SDK2: variants seen among roughly 807,000 people sequenced by gnomAD.
SDK2 encodes sidekick cell adhesion molecule 2.
In SDK2, 105 loss-of-function variants were observed where a neutral mutation model predicts 253.9. That is an observed-to-expected ratio of 0.41 (90% CI 0.35 to 0.49). SDK2 has a LOEUF of 0.49. Among genes scored for constraint, SDK2 ranks in the 20% least tolerant of loss-of-function variants. The pLI, the probability that SDK2 is intolerant of heterozygous loss-of-function variation, is 0.06. For synonymous variants in SDK2, 1,249 were observed against 1,234.9 expected, an observed-to-expected ratio of 1.01 and a Z score of -0.24; for missense variants, 2,608 against 3,003.0, an observed-to-expected ratio of 0.87 and a Z score of 3.07.
chr17:73,425,664 C>T (rs573740842), intron 12 of SDK2, among the ~76,000 whole-genome samples: 126 of 152,172 alleles, frequency 8.3e-4, no homozygotes, highest in East Asian at 3.1e-3. Flanking sequence ...AGCACCACCA[C>T]GCCCGACTAA....
rs12452761 is a variant in SDK2, at chr17:73,472,128, G to A, written c.315C>T (p.Thr105=). 129,293 of 1,551,000 alleles carry A rather than the reference G, an allele frequency of 0.083. 5,875 individuals carry two copies. Among genetic ancestry groups the A allele is most frequent in the East Asian group, 0.1 (4,132 of 40,918 alleles). Residue 105 remains threonine, a synonymous_variant, in exon 3 of 45, where the codon ACC becomes ACT. Transcript: ENST00000392650. The part of the protein sequence containing the change: ...NRMGALLQRQ[T]EVQVAYMGSF... ...TGTACTCACAGGCCACCTGGACCTCGGTTTGCCGCTGCAGCAGGGCCCCCA... is the reference window on the plus strand; with the variant it reads ...TGTACTCACAGGCCACCTGGACCTCAGTTTGCCGCTGCAGCAGGGCCCCCA...
rs756230449 is a variant in SDK2, at chr17:73,385,856, G to A, written c.4560C>T (p.Ile1520=). 1.9e-6 allele frequency: 3 copies of A among 1,607,304 alleles called. No individual in the cohort carries two copies. The African/African-American group carries it at 4.0e-5, about 21-fold the overall frequency. The part of the protein sequence containing the change: ...VTPHTTTSVL[I]RWQPPAEDKI... Reference sequence around the variant, plus strand: ...GCCCGCTGGGCCATACCTGCCATCGGATTAGCACGGAGGTGGTGGTGTGGG... The same window carrying A: ...GCCCGCTGGGCCATACCTGCCATCGAATTAGCACGGAGGTGGTGGTGTGGG... The change falls in exon 32 of 45, where the codon ATC becomes ATT. Residue 1520 remains isoleucine, a synonymous_variant. Coordinates refer to ENST00000392650, the MANE Select transcript of SDK2 (RefSeq NM_001144952.2).
chr17:73,401,211 C>G lies in SDK2; in HGVS notation c.2780G>C (p.Gly927Ala). 1 of 1,544,966 alleles carries G rather than the reference C, an allele frequency of 6.5e-7. No individual in the cohort carries two copies. ...EPGEKNGILT[G>A]YRISWEEYNR... is the part of the protein sequence containing the mutation. ...GTACTCCTCCCAGGAGATCCGGTAC[C>G]CTGGGGAGAGCCGCCGTGTTGGCAT... The change falls in exon 21 of 45, where the codon GGG becomes GCG. Residue 927 changes from glycine to alanine, a missense_variant and splice_region_variant. Physicochemically the swap from Gly to Ala is moderately conservative, Grantham distance 60 (BLOSUM62 0). Coordinates refer to ENST00000392650, the MANE Select transcript of SDK2 (RefSeq NM_001144952.2).
intron 1 of SDK2, among the ~76,000 whole-genome samples, chr17:73,594,383 C>T (rs927802341): frequency 2.0e-5 from 3 of 152,114 alleles, no homozygotes. Flanking sequence ...TATAAAGATG[C>T]CCTTCCCTCC....
intron 29 of SDK2, 69 bp from the exon 30 acceptor site, chr17:73,388,106 CGA>C: frequency 1.8e-6 from 2 of 1,118,616 alleles, no homozygotes; most frequent in Admixed American, 4.1e-5. Context: ...TGGACTTTCT[CGA>C]GGGAGGAAAG....
rs1396408581 is a variant in SDK2, at chr17:73,401,067, C to T, written c.2924G>A (p.Gly975Asp). The change falls in exon 21 of 45, where the codon GGC (glycine) becomes GAC (aspartate). Residue 975 changes from glycine (G) to aspartate (D), a missense_variant. By Grantham distance (94) the Gly-to-Asp change is moderately conservative (BLOSUM62 -1). Transcript: ENST00000392650. ...TIEVAAMTSK[G>D]QGQVSASTIS... ...GGTGGAGGCGGACACTTGGCCCTGGCCCTTTGAGGTCATGGCGGCCACCTC... is the reference window on the plus strand; with the variant it reads ...GGTGGAGGCGGACACTTGGCCCTGGTCCTTTGAGGTCATGGCGGCCACCTC... 8 of 1,576,130 alleles carry T rather than the reference C, an allele frequency of 5.1e-6. No homozygotes were observed. The South Asian group carries it at 8.2e-5, about 16-fold the overall frequency.
chr17:73,570,090 C>T lies in SDK2; in HGVS notation c.65-62493G>A, dbSNP rs1469174478. Among the ~76,000 whole-genome samples, 1 of 152,124 alleles carries T rather than the reference C, an allele frequency of 6.6e-6. No individual in the cohort carries two copies. Among genetic ancestry groups the T allele is most frequent in the Non-Finnish European group, 1.5e-5 (1 of 68,008 alleles). On this transcript the variant is annotated intron_variant, in intron 1 of 44. Coordinates refer to ENST00000392650, the MANE Select transcript of SDK2 (RefSeq NM_001144952.2). The surrounding 1 kb of genome is among the most constrained non-coding windows in gnomAD (Gnocchi z 4.2). The stretch of plus-strand genomic sequence containing the variant: ...GGAAGAGAGTCAGGCGGCCCCATGA[C>T]TCTCCCCAGAGCCCCTCGGGACGGC...
intron 13 of SDK2, 142 bp downstream of exon 13, chr17:73,423,774 T>C (rs2063254711): frequency 2.5e-6 from 2 of 785,796 alleles, no homozygotes; most frequent in Non-Finnish European, 3.9e-6. Context: ...GGAAGGATGC[T>C]GGGGGTATGT....
intron 1 of SDK2, among the ~76,000 whole-genome samples, chr17:73,526,787 T>C (rs2064129476): frequency 6.6e-6 from 1 of 152,198 alleles, no homozygotes; most frequent in Non-Finnish European, 1.5e-5. Context: ...CAGCCTTTCT[T>C]AGAGGACAGT....
chr17:73,531,936 G>A (rs900202967), intron 1 of SDK2, among the ~76,000 whole-genome samples: 3 of 152,250 alleles, frequency 2.0e-5, no homozygotes, highest in South Asian at 2.1e-4. Context: ...TGCCAGTCTA[G>A]CCCTAGAGTG....
rs2062704929 is a variant in SDK2, at chr17:73,368,440, T to C, written c.5134A>G (p.Ser1712Gly). ...TGGGTCTGGCCTTGGGTGGGGGTGC[T>C]CCGAGGCCCATCCCCAGCGGCGTTG... The part of the protein sequence containing the change: ...AFNAAGDGPR[S>G]TPTQGQTQQA... The change falls in exon 37 of 45, where the codon AGC (serine) becomes GGC (glycine). Residue 1712 changes from serine (S) to glycine (G), a missense_variant. Physicochemically the swap from Ser to Gly is moderately conservative, Grantham distance 56. Around this residue, in one of 2 missense-constraint regions of SDK2, gnomAD observed 1,103 missense variants for 1,143.9 expected, o/e 0.96. Coordinates refer to ENST00000392650, the MANE Select transcript of SDK2 (RefSeq NM_001144952.2). 1 of 1,597,154 alleles carries C rather than the reference T, an allele frequency of 6.3e-7. No individual in the cohort carries two copies. Among genetic ancestry groups the C allele is most frequent in the Non-Finnish European group, 8.5e-7 (1 of 1,172,470 alleles).
chr17:73,422,789 A>AG (rs1314916972), intron 14 of SDK2, among the ~76,000 whole-genome samples: 2 of 152,150 alleles, frequency 1.3e-5, no homozygotes, highest in African/African-American at 4.8e-5. Context: ...TGGGAGGCTG[A>AG]GGCGGGCAGA....
Position 73,393,757 on chromosome 17 carries a change from G to C in SDK2, c.3709-8C>G, listed in dbSNP as rs746036794. 12 of 1,555,248 alleles carry C rather than the reference G, an allele frequency of 7.7e-6. No individual in the cohort carries two copies. The highest frequency in any genetic ancestry group is 8.8e-6 in the Non-Finnish European group (10 of 1,141,602). ...CTTCTCCTTATACATCACCTGTCAG[G>C]GCCCAGCACAGGGTGAGGGCCTCAG... On this transcript the variant is annotated splice_region_variant and splice_polypyrimidine_tract_variant and intron_variant, in intron 26 of 44. Transcript: ENST00000392650.
chr17:73,533,191 T>G (rs1185520299), intron 1 of SDK2, among the ~76,000 whole-genome samples: 1 of 152,184 alleles, frequency 6.6e-6, no homozygotes. Context: ...TCGGCTGGTA[T>G]GTGTTGGCGG....
At chr17:73,385,706 G>A in intron 32 of SDK2, 141 bp downstream of exon 32, 1 of 739,242 alleles carries the variant, frequency 1.4e-6, no homozygotes, top group Non-Finnish European at 2.4e-6. Context: ...CACATGCCTG[G>A]ATTTCTCATG....
At chr17:73,394,454 C>A in intron 25 of SDK2, 130 bp from the exon 26 acceptor site, 1 of 494,984 alleles carries the variant, frequency 2.0e-6, no homozygotes. Context: ...AAACGTGGCA[C>A]ACATGGTCCC....
At position 73,469,992 on chromosome 17, in the gene SDK2, G is replaced by GCGCACACACA. The variant is rs1328450219; in HGVS notation, c.331+2119_331+2120insTGTGTGTGCG. 6.8e-3 allele frequency among the ~76,000 whole-genome samples: 853 copies of GCGCACACACA among 126,240 alleles called. 5 individuals carry two copies. Among genetic ancestry groups the GCGCACACACA allele is most frequent in the East Asian group, 0.016 (61 of 3,878 alleles). The allele number at this position is 126,240 out of a possible 152,430, so 82.8% of individuals were successfully genotyped here. ...ATGGCATTTGCGACTGCGCGCGCGC[G>GCGCACACACA]CACACACACACACACACACACACAC... is the stretch of plus-strand genomic sequence containing the variant. On this transcript the variant is annotated intron_variant, in intron 3 of 44. Transcript: ENST00000392650.
intron 24 of SDK2, among the ~76,000 whole-genome samples, chr17:73,396,908 G>A (rs895338051): frequency 7.2e-5 from 11 of 152,198 alleles, no homozygotes; most frequent in South Asian, 4.1e-4. Flanking sequence ...CTCTGCTCAG[G>A]CACCAGCCAC....
intron 2 of SDK2, among the ~76,000 whole-genome samples, chr17:73,499,858 TC>T (rs2063872048): frequency 8.2e-6 from 1 of 122,366 alleles, no homozygotes; most frequent in Non-Finnish European, 1.7e-5. Context: ...TGCATGGGAA[TC>T]TGTGTGTGTG....
Sources: gnomAD v4.1 joint callset for allele counts (sites outside exome capture counted in the v4.1 genomes callset) on GRCh38, gnomAD v4.1.1 for gene constraint, gnomAD v4.1.1 regional missense constraint, Gnocchi (gnomAD v3.1) non-coding constraint, MANE v1.5 for transcripts, NCBI Gene and HGNC (gene_info 2026-07-23, HGNC 2026-07-21) for gene names.